The following PTPN4 variants were observed in gnomAD, a reference collection of about 807,000 sequenced individuals.
PTPN4 encodes protein tyrosine phosphatase non-receptor type 4, also known as tyrosine-protein phosphatase non-receptor type 4.
In PTPN4, 49 loss-of-function variants were observed where a neutral mutation model predicts 135.5. That is an observed-to-expected ratio of 0.36 (90% CI 0.29 to 0.46). PTPN4 has a LOEUF of 0.46. PTPN4 is among the 20% of genes least tolerant of loss of function. The pLI is 1.00. For synonymous variants in PTPN4, 333 were observed against 369.9 expected (o/e 0.90, Z 1.14); for missense variants, 860 against 1,101.0 (o/e 0.78, Z 3.10).
chr2:119,975,999 A>ATTTT (rs70949379), intron 26 of PTPN4, among the ~76,000 whole-genome samples: 1 of 117,546 alleles, frequency 8.5e-6, no homozygotes, highest in African/African-American at 3.1e-5. Flanking sequence ...TTATTTATTT[A>ATTTT]TTTTTTTTTT....
At chr2:119,903,186 G>A (rs1412416154) in intron 10 of PTPN4, among the ~76,000 whole-genome samples, 2 of 152,108 alleles carry the variant, frequency 1.3e-5, no homozygotes, top group Non-Finnish European at 2.9e-5. Context: ...GCTCACCACA[G>A]CCTCAGAGTT....
At chr2:119,935,135 C>A in intron 15 of PTPN4, 177 bp downstream of exon 15, 1 of 691,822 alleles carries the variant, frequency 1.4e-6, no homozygotes, top group East Asian at 2.8e-5. Flanking sequence ...CCTCTCCCTC[C>A]CCGACCCAGT....
chr2:119,912,954 A>G (rs1417666838), intron 10 of PTPN4, among the ~76,000 whole-genome samples: 1 of 152,148 alleles, frequency 6.6e-6, no homozygotes, highest in Non-Finnish European at 1.5e-5. Flanking sequence ...TGCCTATTCT[A>G]TATATTCTAT....
chr2:119,955,379 C>T (rs1679265217), intron 20 of PTPN4, 56 bp downstream of exon 20: 2 of 1,359,846 alleles, frequency 1.5e-6, no homozygotes, highest in Non-Finnish European at 2.0e-6. Flanking sequence ...TAACTAGTTT[C>T]ATAGTTTCTT....
intron 2 of PTPN4, among the ~76,000 whole-genome samples, chr2:119,821,228 G>T (rs1432925828): frequency 6.6e-6 from 1 of 151,760 alleles, no homozygotes; most frequent in African/African-American, 2.4e-5. Flanking sequence ...AAGTAGCTGG[G>T]ACTACAGGCG....
At chr2:119,937,575 T>C (rs553816429) in intron 15 of PTPN4, among the ~76,000 whole-genome samples, 21 of 152,366 alleles carry the variant, frequency 1.4e-4, no homozygotes, top group Non-Finnish European at 1.5e-5. Flanking sequence ...TAAGCTTTTT[T>C]TCACTGCTGT....
intron 1 of PTPN4, among the ~76,000 whole-genome samples, chr2:119,776,480 G>A (rs1558722044): frequency 1.3e-5 from 2 of 152,126 alleles, no homozygotes; most frequent in Admixed American, 6.5e-5. Flanking sequence ...GGCCCATAAT[G>A]TAAACATTTT....
At chr2:119,855,186 AC>A (rs1677658603) in intron 2 of PTPN4, among the ~76,000 whole-genome samples, 1 of 152,060 alleles carries the variant, frequency 6.6e-6, no homozygotes, top group Non-Finnish European at 1.5e-5. Context: ...TCCCCAGTCT[AC>A]CCTTTCAGTT....
At chr2:119,880,374 C>T (rs1678052937) in intron 5 of PTPN4, among the ~76,000 whole-genome samples, 1 of 152,012 alleles carries the variant, frequency 6.6e-6, no homozygotes, top group African/African-American at 2.4e-5. Context: ...ATATGCATGA[C>T]CTTTAAATCC....
At chr2:119,778,315 A>G (rs894983982) in intron 1 of PTPN4, among the ~76,000 whole-genome samples, 3 of 152,166 alleles carry the variant, frequency 2.0e-5, no homozygotes, top group African/African-American at 7.2e-5. Flanking sequence ...TAGATAGGAG[A>G]AAGAGTAGTT....
intron 2 of PTPN4, among the ~76,000 whole-genome samples, chr2:119,826,924 G>A (rs995322846): frequency 6.6e-6 from 1 of 152,136 alleles, no homozygotes; most frequent in African/African-American, 2.4e-5. Context: ...AACTGCTTGG[G>A]AGGCTGAAGC....
chr2:119,874,433 G>A lies in PTPN4; in HGVS notation c.247-2890G>A, dbSNP rs186401966. On this transcript the variant is annotated intron_variant, in intron 3 of 26. Transcript: ENST00000263708. ...GAAAAGTAGACACAACCCAGTATCA[G>A]CCATAAAAAGGAATGAGTTATTGTT... is the stretch of plus-strand genomic sequence containing the variant. Among the ~76,000 whole-genome samples, 17 of 152,248 alleles carry A rather than the reference G, an allele frequency of 1.1e-4. 1 individual carries two copies. The highest frequency in any genetic ancestry group is 9.8e-4 in the Admixed American group (15 of 15,302).
At position 119,946,509 on chromosome 2, in the gene PTPN4, C is replaced by CT; in HGVS notation, c.1600-4dup. The CT allele has an allele frequency of 6.2e-7, 1 of 1,606,718 alleles. No individual in the cohort carries two copies. The highest frequency in any genetic ancestry group is 8.5e-7 in the Non-Finnish European group (1 of 1,175,714). ...ATTTGACTAACATTTTACTTATTCT[C>CT]TTTTTAAGGGAGGATATGATCAGAA... On this transcript the variant is annotated splice_polypyrimidine_tract_variant and intron_variant, in intron 17 of 26. Coordinates refer to ENST00000263708, the MANE Select transcript of PTPN4 (RefSeq NM_002830.4).
intron 2 of PTPN4, among the ~76,000 whole-genome samples, chr2:119,840,305 C>T (rs1482638077): frequency 6.6e-6 from 1 of 152,146 alleles, no homozygotes; most frequent in African/African-American, 2.4e-5. Flanking sequence ...TGTTCCCTTC[C>T]TTGTGTCCCT....
At chr2:119,784,663 A>T (rs544667335) in intron 1 of PTPN4, among the ~76,000 whole-genome samples, 2 of 150,112 alleles carry the variant, frequency 1.3e-5, no homozygotes, top group South Asian at 4.2e-4. Flanking sequence ...CTGGGATTAC[A>T]GGCATGAGCT....
At chr2:119,835,870 C>T (rs1243224590) in intron 2 of PTPN4, among the ~76,000 whole-genome samples, 1 of 151,982 alleles carries the variant, frequency 6.6e-6, no homozygotes, top group Non-Finnish European at 1.5e-5. Flanking sequence ...GAGATCGAAA[C>T]CATCCTGGCT....
chr2:119,933,676 A>AG (rs1237289837), intron 14 of PTPN4, among the ~76,000 whole-genome samples: 2 of 151,968 alleles, frequency 1.3e-5, no homozygotes, highest in Non-Finnish European at 2.9e-5. Flanking sequence ...AAAAAAAAAA[A>AG]AAAAATCTAA....
At chr2:119,902,332 C>T (rs1447806837) in intron 10 of PTPN4, among the ~76,000 whole-genome samples, 3 of 152,146 alleles carry the variant, frequency 2.0e-5, no homozygotes, top group African/African-American at 7.2e-5. Context: ...GCAAAGTTAT[C>T]CTTCAGAAGT....
chr2:119,896,495 G>A (rs1369959878), intron 9 of PTPN4, among the ~76,000 whole-genome samples: 1 of 152,150 alleles, frequency 6.6e-6, no homozygotes, highest in African/African-American at 2.4e-5. Context: ...TAATCTAGCA[G>A]CATGTTCAGA....
Sources: allele counts gnomAD v4.1 joint callset (sites outside exome capture counted in the v4.1 genomes callset), GRCh38; gene constraint gnomAD v4.1.1; transcripts MANE v1.5; gene names NCBI Gene and HGNC (gene_info 2026-07-23, HGNC 2026-07-21).